The following BTG4 variants were observed in gnomAD, a reference collection of about 807,000 sequenced individuals.
BTG4 encodes the protein protein BTG4.
BTG4 carries 10 observed loss-of-function variants against 19.3 expected under a neutral mutation model. The ratio of observed to expected loss-of-function variants is 0.52; its 90% CI spans 0.32 to 0.88. The LOEUF is 0.88. BTG4 is among the 40% of genes least tolerant of loss of function. BTG4 has a pLI of 0.04. For synonymous variants in BTG4, 91 were observed against 95.7 expected (o/e 0.95, Z 0.29); for missense variants, 238 against 281.9 (o/e 0.84, Z 1.11).
chr11:111,495,933 ACAT>A (rs1412523587), intron 4 of BTG4, among the ~76,000 whole-genome samples: 1 of 152,216 alleles, frequency 6.6e-6, no homozygotes, highest in African/African-American at 2.4e-5. Context: ...GCTTTGTCAT[ACAT>A]CATTTTACTT....
chr11:111,401,238 G>A, the BTG4 span, among the ~76,000 whole-genome samples: 1 of 152,062 alleles, frequency 6.6e-6, no homozygotes, highest in Admixed American at 6.5e-5. Context: ...TGTAATCCCA[G>A]CACTTTGGGA....
chr11:111,436,274 AC>A, the BTG4 span, among the ~76,000 whole-genome samples: 1 of 152,102 alleles, frequency 6.6e-6, no homozygotes, highest in Non-Finnish European at 1.5e-5. Flanking sequence ...GGTGACGACC[AC>A]CTCCAGCTTT....
chr11:111,384,147 G>C, the BTG4 span, among the ~76,000 whole-genome samples: 4 of 152,134 alleles, frequency 2.6e-5, no homozygotes, highest in East Asian at 7.7e-4. Context: ...CTAGGTAGAA[G>C]ACAATCTCTT....
At chr11:111,439,925 C>T in the BTG4 span, among the ~76,000 whole-genome samples, 1 of 152,170 alleles carries the variant, frequency 6.6e-6, no homozygotes, top group African/African-American at 2.4e-5. Flanking sequence ...AGGGGTGCCC[C>T]AGCCATCTTG....
chr11:111,405,076 T>G, the BTG4 span, among the ~76,000 whole-genome samples: 2 of 152,164 alleles, frequency 1.3e-5, no homozygotes, highest in Non-Finnish European at 2.9e-5. Flanking sequence ...TCCATTGCAG[T>G]CAGATTCAGC....
chr11:111,512,859 G>A (rs558900748), upstream of BTG4: 154 of 399,386 alleles, frequency 3.9e-4, no homozygotes, highest in African/African-American at 3.1e-3. Flanking sequence ...GGCGTCCCCC[G>A]GTGAAATGGG....
the BTG4 span, among the ~76,000 whole-genome samples, chr11:111,422,861 G>C: frequency 6.6e-6 from 1 of 152,202 alleles, no homozygotes; most frequent in African/African-American, 2.4e-5. Flanking sequence ...GGTGGAGAGG[G>C]AGGGCAGTTT....
At chr11:111,420,172 T>C in the BTG4 span, among the ~76,000 whole-genome samples, 1 of 152,206 alleles carries the variant, frequency 6.6e-6, no homozygotes, top group Admixed American at 6.5e-5. Context: ...AATCCAAGTC[T>C]CAAGGTGCAA....
downstream of BTG4, among the ~76,000 whole-genome samples, chr11:111,463,914 G>A (rs1022480451): frequency 7.9e-5 from 12 of 152,306 alleles, no homozygotes; most frequent in African/African-American, 2.6e-4. Context: ...TCCTGCCATG[G>A]ACTTCATGGG....
the BTG4 span, among the ~76,000 whole-genome samples, chr11:111,394,536 A>G: frequency 1.3e-5 from 2 of 152,252 alleles, no homozygotes; most frequent in Admixed American, 1.3e-4. Flanking sequence ...CACCAGCCAC[A>G]TGGAACTGTG....
intron 5 of BTG4, chr11:111,469,772 C>G (rs2135524306): frequency 1.3e-5 from 2 of 152,818 alleles, no homozygotes; most frequent in East Asian, 3.9e-4. Flanking sequence ...CTTGCCTTCT[C>G]TTCCCTTGAC....
chr11:111,455,265 G>A, the BTG4 span: 2 of 352,436 alleles, frequency 5.7e-6, no homozygotes, highest in Non-Finnish European at 1.1e-5. Flanking sequence ...CTTTGCCGCT[G>A]CTGCCATGCC....
chr11:111,452,086 C>T, the BTG4 span, among the ~76,000 whole-genome samples: 1 of 152,224 alleles, frequency 6.6e-6, no homozygotes, highest in Admixed American at 6.5e-5. Flanking sequence ...GTGACCTGCA[C>T]ATTGCACCAC....
the BTG4 span, among the ~76,000 whole-genome samples, chr11:111,408,358 C>A: frequency 2.0e-4 from 31 of 152,340 alleles, no homozygotes; most frequent in South Asian, 4.1e-4. Context: ...GGAAGAGATG[C>A]AGGGGACCTC....
At chr11:111,509,676 A>G (rs1374666015) in intron 1 of BTG4, among the ~76,000 whole-genome samples, 18 of 151,896 alleles carry the variant, frequency 1.2e-4, no homozygotes, top group Admixed American at 1.2e-3. Flanking sequence ...AGCTTGGGCA[A>G]TAAGAGCAAA....
intron 5 of BTG4, among the ~76,000 whole-genome samples, chr11:111,474,413 G>A (rs1216569978): frequency 6.6e-6 from 1 of 152,070 alleles, no homozygotes; most frequent in African/African-American, 2.4e-5. Context: ...GCTTATTCAT[G>A]AACTTCATAT....
the BTG4 span, among the ~76,000 whole-genome samples, chr11:111,422,003 G>A: frequency 6.6e-6 from 1 of 152,064 alleles, no homozygotes. Context: ...GGGCCCAGAA[G>A]TTGCTGGAGA....
the BTG4 span, among the ~76,000 whole-genome samples, chr11:111,394,725 C>T: frequency 6.6e-6 from 1 of 152,208 alleles, no homozygotes; most frequent in Non-Finnish European, 1.5e-5. Flanking sequence ...CCTCTTTAGA[C>T]ACTTGTGCCC....
At chr11:111,432,861 T>A in the BTG4 span, among the ~76,000 whole-genome samples, 1 of 152,274 alleles carries the variant, frequency 6.6e-6, no homozygotes, top group East Asian at 1.9e-4. Flanking sequence ...ATATCTTTTT[T>A]TTTTCTTTTT....
Sources: allele counts gnomAD v4.1 joint callset (sites outside exome capture counted in the v4.1 genomes callset), GRCh38; gene constraint gnomAD v4.1.1; transcripts MANE v1.5; gene names NCBI Gene and HGNC (gene_info 2026-07-23, HGNC 2026-07-21).